Variants in DCC observed in about 807,000 individuals in gnomAD.
DCC encodes the protein netrin receptor DCC.
DCC carries 58 observed loss-of-function variants against 172.5 expected under a neutral mutation model. The observed-to-expected ratio is 0.34, with a 90% CI of 0.27 to 0.42. DCC has a LOEUF of 0.42. Ranked by LOEUF, DCC falls within the 10% of genes least tolerant of loss-of-function variation. DCC has a pLI of 1.00. For synonymous variants in DCC, 709 were observed against 644.5 expected (o/e 1.10, Z -1.52); for missense variants, 1,740 against 1,791.0 (o/e 0.97, Z 0.51).
chr18:52,685,597 G>T (rs1005145855), intron 1 of DCC, among the ~76,000 whole-genome samples: 8 of 152,064 alleles, frequency 5.3e-5, no homozygotes, highest in Non-Finnish European at 8.8e-5. Flanking sequence ...GAGACAGCAG[G>T]TTGTTAAAAA....
intron 15 of DCC, among the ~76,000 whole-genome samples, chr18:53,354,218 A>C (rs1490851560): frequency 1.3e-5 from 2 of 152,190 alleles, no homozygotes; most frequent in African/African-American, 4.8e-5. Context: ...TGCCATAATA[A>C]ACATACGTGT....
chr18:53,207,164 C>T lies in DCC; in HGVS notation c.1723-515C>T, dbSNP rs1047387811. Among the ~76,000 whole-genome samples, 3 of 152,208 alleles carry T rather than the reference C, an allele frequency of 2.0e-5. No individual in the cohort carries two copies. In the South Asian group the frequency reaches 6.2e-4, roughly 32 times the overall value. On this transcript the variant is annotated intron_variant, in intron 10 of 28. Coordinates refer to ENST00000442544, the MANE Select transcript of DCC (RefSeq NM_005215.4). ...CTGATTCCTCAGTAACCTTCACCTC[C>T]AGTATCTCATTTACTGCAGCCATGA...
At chr18:52,520,777 C>T (rs566454291) in intron 1 of DCC, among the ~76,000 whole-genome samples, 1 of 151,968 alleles carries the variant, frequency 6.6e-6, no homozygotes, top group Admixed American at 6.6e-5. Flanking sequence ...GCCAGAGAAT[C>T]AAAGTATTCT....
intron 3 of DCC, among the ~76,000 whole-genome samples, chr18:52,908,425 GT>G (rs1392630200): frequency 1.3e-5 from 2 of 152,084 alleles, no homozygotes; most frequent in Non-Finnish European, 2.9e-5. Context: ...CATACACAAA[GT>G]TTTAAATATT....
chr18:52,440,998 G>A (rs990517806), intron 1 of DCC, among the ~76,000 whole-genome samples: 1 of 152,184 alleles, frequency 6.6e-6, no homozygotes, highest in Admixed American at 6.6e-5. Flanking sequence ...CAGCTATCTG[G>A]GGAGTCACTT....
chr18:52,591,918 A>T (rs1409769618), intron 1 of DCC, among the ~76,000 whole-genome samples: 1 of 151,672 alleles, frequency 6.6e-6, no homozygotes, highest in Non-Finnish European at 1.5e-5. Context: ...CCAAAGGTCC[A>T]GGATTACCGG....
chr18:53,037,613 AAT>A (rs1255604456), intron 5 of DCC, among the ~76,000 whole-genome samples: 1 of 152,002 alleles, frequency 6.6e-6, no homozygotes, highest in African/African-American at 2.4e-5. Context: ...GCTCTGAAGG[AAT>A]ATACCATACT....
intron 7 of DCC, among the ~76,000 whole-genome samples, chr18:53,150,252 T>C (rs1480278744): frequency 6.6e-6 from 1 of 152,232 alleles, no homozygotes; most frequent in African/African-American, 2.4e-5. Flanking sequence ...TTAATAATAA[T>C]GAACATAACT....
chr18:52,411,795 T>C (rs777484293), intron 1 of DCC, among the ~76,000 whole-genome samples: 28 of 152,136 alleles, frequency 1.8e-4, no homozygotes, highest in Admixed American at 3.3e-4. Context: ...GATACAAATA[T>C]CACGAGACGA....
intron 3 of DCC, among the ~76,000 whole-genome samples, chr18:52,911,174 A>C (rs1351075003): frequency 1.3e-5 from 2 of 152,112 alleles, no homozygotes; most frequent in Non-Finnish European, 2.9e-5. Flanking sequence ...TGTAACAAAG[A>C]GGACACTTTC....
At chr18:53,256,774 T>G (rs2056523187) in intron 12 of DCC, among the ~76,000 whole-genome samples, 1 of 152,236 alleles carries the variant, frequency 6.6e-6, no homozygotes, top group South Asian at 2.1e-4. Flanking sequence ...TTGATGGAGA[T>G]GGCATTGAAT....
At chr18:53,528,052 T>C (rs1487441566) in intron 28 of DCC, among the ~76,000 whole-genome samples, 1 of 152,022 alleles carries the variant, frequency 6.6e-6, no homozygotes, top group Admixed American at 6.5e-5. Flanking sequence ...AATAAATTTA[T>C]AACAATATCA....
chr18:52,395,764 G>A (rs909113564), intron 1 of DCC, among the ~76,000 whole-genome samples: 4 of 151,874 alleles, frequency 2.6e-5, no homozygotes, highest in Non-Finnish European at 4.4e-5. Context: ...CATCTATTAC[G>A]GGTCATGGCT....
At chr18:52,596,756 T>C (rs1176593747) in intron 1 of DCC, among the ~76,000 whole-genome samples, 1 of 152,190 alleles carries the variant, frequency 6.6e-6, no homozygotes, top group Admixed American at 6.5e-5. Flanking sequence ...TTGCTGGCTA[T>C]ACATATGCAG....
intron 2 of DCC, among the ~76,000 whole-genome samples, chr18:52,867,370 G>A (rs1334972142): frequency 6.6e-6 from 1 of 152,144 alleles, no homozygotes; most frequent in Non-Finnish European, 1.5e-5. Context: ...TCAGGTTTTG[G>A]TATCAGGATG....
At chr18:53,116,220 T>G (rs2043406814) in intron 7 of DCC, among the ~76,000 whole-genome samples, 1 of 151,678 alleles carries the variant, frequency 6.6e-6, no homozygotes, top group Non-Finnish European at 1.5e-5. Flanking sequence ...ACAAAGGGAT[T>G]TCTTGAAAAT....
intron 5 of DCC, among the ~76,000 whole-genome samples, chr18:52,950,709 G>A (rs2040627151): frequency 6.6e-6 from 1 of 151,880 alleles, no homozygotes; most frequent in South Asian, 2.1e-4. Flanking sequence ...TGGATCACGA[G>A]GTCAGGAGAT....
intron 1 of DCC, among the ~76,000 whole-genome samples, chr18:52,456,169 A>G (rs1394842884): frequency 6.6e-6 from 1 of 152,144 alleles, no homozygotes; most frequent in Non-Finnish European, 1.5e-5. Context: ...GTGTCCATTT[A>G]TGAAAATAAT....
intron 5 of DCC, among the ~76,000 whole-genome samples, chr18:52,993,935 A>G (rs2041437314): frequency 6.6e-6 from 1 of 152,090 alleles, no homozygotes; most frequent in Non-Finnish European, 1.5e-5. Context: ...TTTAAGCACC[A>G]TAGCTTATTT....
Sources: allele counts gnomAD v4.1 joint callset (sites outside exome capture counted in the v4.1 genomes callset), GRCh38; gene constraint gnomAD v4.1.1; transcripts MANE v1.5; gene names NCBI Gene and HGNC (gene_info 2026-07-23, HGNC 2026-07-21).